TEC: variants seen among roughly 807,000 people sequenced by gnomAD.
The protein encoded by TEC is tec protein tyrosine kinase, also known as tyrosine-protein kinase Tec.
In TEC, 72 loss-of-function variants were observed where a neutral mutation model predicts 93.0. The ratio of observed to expected loss-of-function variants is 0.77; its 90% CI spans 0.64 to 0.94. TEC has a LOEUF of 0.94. Ranked by LOEUF, TEC falls within the 40% of genes least tolerant of loss-of-function variation. TEC has a pLI of 0.00. For missense variants in TEC, 630 were observed against 757.9 expected, an observed-to-expected ratio of 0.83 and a Z score of 1.98; for synonymous variants, 249 against 247.7, an observed-to-expected ratio of 1.01 and a Z score of -0.05.
At chr4:48,247,022 A>C (rs567512815) in intron 1 of TEC, among the ~76,000 whole-genome samples, 1 of 152,324 alleles carries the variant, frequency 6.6e-6, no homozygotes, top group East Asian at 1.9e-4. Flanking sequence ...TATCCAGAAT[A>C]TATAAAGAAC....
At chr4:48,160,973 T>C (rs1422033141) in intron 8 of TEC, among the ~76,000 whole-genome samples, 4 of 151,874 alleles carry the variant, frequency 2.6e-5, no homozygotes, top group Admixed American at 6.6e-5. Context: ...GAACTATACA[T>C]CTAGAAATTA....
At chr4:48,254,027 T>C (rs1200059097) in intron 1 of TEC, among the ~76,000 whole-genome samples, 1 of 152,210 alleles carries the variant, frequency 6.6e-6, no homozygotes, top group Non-Finnish European at 1.5e-5. Context: ...TATCCACCTA[T>C]TGAAATCCTA....
intron 8 of TEC, among the ~76,000 whole-genome samples, chr4:48,157,985 T>C (rs1720471400): frequency 6.6e-6 from 1 of 152,232 alleles, no homozygotes; most frequent in Non-Finnish European, 1.5e-5. Context: ...TCTTTGGTTT[T>C]AAACTTATTT....
At chr4:48,192,983 C>T (rs934287280) in intron 2 of TEC, among the ~76,000 whole-genome samples, 1 of 152,098 alleles carries the variant, frequency 6.6e-6, no homozygotes, top group East Asian at 1.9e-4. Context: ...GAGCCTGGCA[C>T]CTGGCAACCT....
intron 15 of TEC, 49 bp downstream of exon 15, chr4:48,141,306 C>T (rs780475216): frequency 6.6e-7 from 1 of 1,525,386 alleles, no homozygotes; most frequent in Admixed American, 1.7e-5. Flanking sequence ...TTATTAATTC[C>T]ACCAAAAAAA....
intron 1 of TEC, among the ~76,000 whole-genome samples, chr4:48,231,609 T>C (rs948896156): frequency 1.3e-5 from 2 of 151,940 alleles, no homozygotes; most frequent in African/African-American, 4.8e-5. Context: ...TACAAAAAAT[T>C]AGCCAGGCGT....
At chr4:48,242,702 AG>A (rs541573696) in intron 1 of TEC, among the ~76,000 whole-genome samples, 1 of 152,214 alleles carries the variant, frequency 6.6e-6, no homozygotes, top group South Asian at 2.1e-4. Flanking sequence ...TTTTTTTCTG[AG>A]GGGGACCAGA....
chr4:48,138,920 T>C lies in TEC; in HGVS notation c.1638A>G (p.Ser546=). 1 of 1,614,220 alleles carries C rather than the reference T, an allele frequency of 6.2e-7. No homozygotes were observed. The highest frequency in any genetic ancestry group is 1.1e-5 in the South Asian group (1 of 91,084). The change falls in exon 16 of 18, where the codon TCA becomes TCG. Residue 546 remains serine, a synonymous_variant. Coordinates refer to ENST00000381501, the MANE Select transcript of TEC (RefSeq NM_003215.3). ...VFNYSRFSSK[S]DVWSFGVLMW... is the part of the protein sequence containing the mutation. ...GGATCTTACCAAATGACCAGACATC[T>C]GATTTGCTGCTGAAGCGGCTGTAAT...
intron 1 of TEC, among the ~76,000 whole-genome samples, chr4:48,269,390 G>A (rs1339151536): frequency 1.3e-5 from 2 of 152,268 alleles, no homozygotes; most frequent in Non-Finnish European, 1.5e-5. Flanking sequence ...CCTGCTCGCC[G>A]CTGGGACGTG....
chr4:48,181,248 T>C (rs1355211832), intron 2 of TEC, among the ~76,000 whole-genome samples: 1 of 152,212 alleles, frequency 6.6e-6, no homozygotes, highest in Non-Finnish European at 1.5e-5. Flanking sequence ...ACAATTCTGC[T>C]GCAGAAATGC....
intron 2 of TEC, among the ~76,000 whole-genome samples, chr4:48,188,625 A>G (rs962652745): frequency 2.6e-5 from 4 of 152,166 alleles, no homozygotes; most frequent in Admixed American, 6.5e-5. Flanking sequence ...TATGTATGCT[A>G]TACATACATA....
intron 2 of TEC, among the ~76,000 whole-genome samples, chr4:48,178,739 G>T (rs750740529): frequency 1.3e-5 from 2 of 152,092 alleles, no homozygotes; most frequent in African/African-American, 2.4e-5. Context: ...CTCTGCTAAG[G>T]GCTTCTCCCA....
At chr4:48,247,009 T>G (rs1013247800) in intron 1 of TEC, among the ~76,000 whole-genome samples, 2 of 152,220 alleles carry the variant, frequency 1.3e-5, no homozygotes, top group African/African-American at 4.8e-5. Flanking sequence ...GATAATGGTC[T>G]AGTATCCAGA....
intron 2 of TEC, among the ~76,000 whole-genome samples, chr4:48,206,924 TC>T (rs1342133242): frequency 1.3e-5 from 2 of 151,750 alleles, no homozygotes; most frequent in Non-Finnish European, 2.9e-5. Flanking sequence ...ACACCACTGC[TC>T]TCCAACCTGG....
intron 2 of TEC, among the ~76,000 whole-genome samples, chr4:48,211,916 G>A (rs990729334): frequency 6.6e-6 from 1 of 151,556 alleles, no homozygotes; most frequent in Non-Finnish European, 1.5e-5. Flanking sequence ...TGGGCAACAC[G>A]GTAAAACCCC....
At chr4:48,173,943 A>G (rs917269517) in intron 3 of TEC, among the ~76,000 whole-genome samples, 5 of 152,188 alleles carry the variant, frequency 3.3e-5, no homozygotes, top group African/African-American at 1.2e-4. Context: ...TCTTTTGAAA[A>G]TGTCTACTTC....
chr4:48,237,616 A>C (rs1723821348), intron 1 of TEC, among the ~76,000 whole-genome samples: 1 of 152,202 alleles, frequency 6.6e-6, no homozygotes, highest in Non-Finnish European at 1.5e-5. Flanking sequence ...TGAAATTCTC[A>C]TCTTATTAGG....
chr4:48,186,719 T>TG (rs1354622194), intron 2 of TEC, among the ~76,000 whole-genome samples: 5 of 146,628 alleles, frequency 3.4e-5, no homozygotes, highest in South Asian at 4.3e-4. Context: ...GTCCAGGAGG[T>TG]GGGGGGCAGC....
At chr4:48,182,265 AC>A (rs1411207066) in intron 2 of TEC, among the ~76,000 whole-genome samples, 1 of 146,498 alleles carries the variant, frequency 6.8e-6, no homozygotes, top group Non-Finnish European at 1.5e-5. Flanking sequence ...AGCCTAGGTG[AC>A]AGAGCGAGAC....
Sources: allele counts gnomAD v4.1 joint callset (sites outside exome capture counted in the v4.1 genomes callset), GRCh38; gene constraint gnomAD v4.1.1; transcripts MANE v1.5; gene names NCBI Gene and HGNC (gene_info 2026-07-23, HGNC 2026-07-21).